The following RXFP1 variants were observed in gnomAD, a reference collection of about 807,000 sequenced individuals.
The protein encoded by RXFP1 is relaxin receptor 1.
In RXFP1, 73 loss-of-function variants were observed where a neutral mutation model predicts 89.8. The observed-to-expected ratio is 0.81, with a 90% CI of 0.67 to 0.99. The LOEUF is 0.99. RXFP1 is among the 50% of genes least tolerant of loss of function. The pLI, the probability that RXFP1 is intolerant of heterozygous loss-of-function variation, is 0.00. For synonymous variants in RXFP1, 277 were observed against 305.5 expected (o/e 0.91, Z 0.97); for missense variants, 793 against 895.5 (o/e 0.89, Z 1.46).
intron 17 of RXFP1, 30 bp downstream of exon 17, chr4:158,648,747 A>G: frequency 7.7e-7 from 1 of 1,290,344 alleles, no homozygotes; most frequent in Non-Finnish European, 1.1e-6. Flanking sequence ...CCTTAAAGAA[A>G]TAATAAATCT....
intron 1 of RXFP1, among the ~76,000 whole-genome samples, chr4:158,546,364 G>T (rs1748411519): frequency 6.6e-6 from 1 of 152,124 alleles, no homozygotes; most frequent in South Asian, 2.1e-4. Context: ...AGACAATGGG[G>T]TTTTCTAGGT....
intron 2 of RXFP1, among the ~76,000 whole-genome samples, chr4:158,590,746 G>A (rs1215145247): frequency 6.6e-6 from 1 of 152,176 alleles, no homozygotes; most frequent in Admixed American, 6.5e-5. Context: ...CCATCCTTGA[G>A]ATGTCTGAGA....
intron 2 of RXFP1, among the ~76,000 whole-genome samples, chr4:158,590,166 G>C (rs1001989612): frequency 6.6e-6 from 1 of 152,032 alleles, no homozygotes; most frequent in Non-Finnish European, 1.5e-5. Flanking sequence ...CTAAGCTAAG[G>C]CCACAAGAAA....
intron 8 of RXFP1, among the ~76,000 whole-genome samples, chr4:158,612,907 C>T (rs1463432085): frequency 1.3e-5 from 2 of 152,138 alleles, no homozygotes; most frequent in African/African-American, 4.8e-5. Context: ...CACGCCCAGC[C>T]TTTATCACAA....
chr4:158,607,948 T>TC (rs58057892), intron 5 of RXFP1, 24 bp from the exon 6 acceptor site: 1 of 1,515,196 alleles, frequency 6.6e-7, no homozygotes, highest in South Asian at 1.2e-5. Flanking sequence ...CATTTTTTTT[T>TC]CTTTTTAATA....
Position 158,522,656 on chromosome 4 carries a change from T to G in RXFP1, c.49+631T>G, listed in dbSNP as rs779833174. On this transcript the variant is annotated intron_variant, in intron 1 of 17. Coordinates refer to ENST00000307765, the MANE Select transcript of RXFP1 (RefSeq NM_021634.4). ...GGTTTATTTTTCAGAAAATCTTTTT[T>G]AAATTCAAGGGAAACAGTTGTTGTG... Among the ~76,000 whole-genome samples, 132 of 152,232 alleles carry G rather than the reference T, an allele frequency of 8.7e-4. 1 individual carries two copies. The highest frequency in any genetic ancestry group is 1.7e-3 in the Non-Finnish European group (115 of 68,042).
At chr4:158,522,127 C>A in intron 1 of RXFP1, 102 bp downstream of exon 1, 1 of 661,772 alleles carries the variant, frequency 1.5e-6, no homozygotes. Context: ...AGATAAAATG[C>A]ACTTGCTGAT....
chr4:158,596,232 T>C (rs533449133), intron 3 of RXFP1, among the ~76,000 whole-genome samples: 10 of 151,744 alleles, frequency 6.6e-5, no homozygotes, highest in Non-Finnish European at 1.5e-4. Context: ...AGTTTTTTTC[T>C]TTTATCATAT....
At chr4:158,648,471 T>TTAA (rs757614936) in intron 16 of RXFP1, 28 bp from the exon 17 acceptor site, 7 of 1,307,722 alleles carry the variant, frequency 5.4e-6, no homozygotes, top group Non-Finnish European at 7.5e-6. Flanking sequence ...TTTCTATGCA[T>TTAA]TAATAATACT....
chr4:158,615,067 A>G lies in RXFP1; in HGVS notation c.681-2064A>G, dbSNP rs58385011. Among the ~76,000 whole-genome samples the G allele has an allele frequency of 1.6e-3, 242 of 152,250 alleles. 1 individual carries two copies. Among genetic ancestry groups the G allele is most frequent in the African/African-American group, 5.3e-3 (222 of 41,538 alleles). The stretch of plus-strand genomic sequence containing the variant: ...GATTTAACATAATTCTTGAGGGCCC[A>G]TAATTCTTGTGGGACTCTTCCTTTC... On this transcript the variant is annotated intron_variant, in intron 8 of 17. Coordinates refer to ENST00000307765, the MANE Select transcript of RXFP1 (RefSeq NM_021634.4).
At chr4:158,539,388 G>C (rs1281765231) in intron 1 of RXFP1, among the ~76,000 whole-genome samples, 1 of 151,958 alleles carries the variant, frequency 6.6e-6, no homozygotes, top group Non-Finnish European at 1.5e-5. Flanking sequence ...GTTAAATGAC[G>C]AGTTAATGGG....
chr4:158,606,613 T>C (rs1374997428), intron 5 of RXFP1, among the ~76,000 whole-genome samples: 1 of 152,158 alleles, frequency 6.6e-6, no homozygotes, highest in Non-Finnish European at 1.5e-5. Context: ...AGACAGGGTC[T>C]CACTCTGTCA....
rs755108534 is a variant in RXFP1 at position 158,651,876 on chromosome 4, TACAG to T, written c.2099_2102del (p.Arg700LysfsTer32). On this transcript the variant is annotated frameshift_variant, in exon 18 of 18. Transcript: ENST00000307765. LOFTEE classifies it high-confidence loss of function. ...AATGATTCATCGGTTTTGGTATAAC[TACAG>T]ACAAAGAAAATCTATGGACAGCAAA... 6 of 1,614,144 alleles carry T rather than the reference TACAG, an allele frequency of 3.7e-6. No homozygotes were observed. Among genetic ancestry groups the T allele is most frequent in the Non-Finnish European group, 1.7e-6 (2 of 1,180,002 alleles).
chr4:158,572,935 A>G (rs758097278), intron 2 of RXFP1, 100 bp downstream of exon 2: 71 of 1,499,514 alleles, frequency 4.7e-5, no homozygotes, highest in Non-Finnish European at 5.9e-5. Flanking sequence ...AACTAAATTG[A>G]AATACAAAAC....
At chr4:158,552,808 T>C (rs1446809639) in intron 1 of RXFP1, among the ~76,000 whole-genome samples, 1 of 152,190 alleles carries the variant, frequency 6.6e-6, no homozygotes, top group Non-Finnish European at 1.5e-5. Flanking sequence ...TATTGTTCAA[T>C]ATGGGAACCC....
Position 158,609,408 on chromosome 4 carries a change from TA to T in RXFP1, c.536+1374del, listed in dbSNP as rs768214564. Among the ~76,000 whole-genome samples the T allele has an allele frequency of 9.3e-4, 141 of 151,236 alleles. No individual in the cohort carries two copies. In the Middle Eastern group the frequency reaches 0.01, roughly 11 times the overall value. ...GAATGGTATCTCATTGTGCTTCTTT[TA>T]AAAAAAAAGGCTTTCTCAATGTTCC... On this transcript the variant is annotated intron_variant, in intron 6 of 17. Transcript: ENST00000307765.
intron 4 of RXFP1, among the ~76,000 whole-genome samples, chr4:158,602,596 C>T (rs1025148470): frequency 2.0e-5 from 3 of 151,800 alleles, no homozygotes; most frequent in Admixed American, 6.6e-5. Flanking sequence ...TCATTAGCCC[C>T]GGGCTGTTAA....
intron 10 of RXFP1, among the ~76,000 whole-genome samples, chr4:158,627,724 A>C (rs977920431): frequency 1.3e-5 from 2 of 152,244 alleles, no homozygotes; most frequent in South Asian, 4.1e-4. Flanking sequence ...AATGAGTTCC[A>C]GTTTGAACTC....
At position 158,646,964 on chromosome 4, in the gene RXFP1, A is replaced by T. The variant is rs764175873; in HGVS notation, c.1519A>T (p.Thr507Ser). 5 of 1,614,184 alleles carry T rather than the reference A, an allele frequency of 3.1e-6. No individual in the cohort carries two copies. The Admixed American group carries it at 6.7e-5, about 22-fold the overall frequency. The change falls in exon 16 of 18, where the codon ACA becomes TCA. Residue 507 changes from threonine to serine, a missense_variant. Transcript: ENST00000307765. ...ATCAGTTTTACTGTTAACATTTCTGACATTGGAAAAATACATCTGCATTGT... is the reference window on the plus strand; with the variant it reads ...ATCAGTTTTACTGTTAACATTTCTGTCATTGGAAAAATACATCTGCATTGT... ...EVSVLLLTFL[T>S]LEKYICIVYP...
Sources: allele counts gnomAD v4.1 joint callset (sites outside exome capture counted in the v4.1 genomes callset), GRCh38; gene constraint gnomAD v4.1.1; transcripts MANE v1.5; gene names NCBI Gene and HGNC (gene_info 2026-07-23, HGNC 2026-07-21).